Variants in TFEC observed in about 807,000 individuals in gnomAD.
TFEC encodes the protein transcription factor EC.
TFEC carries 31 observed loss-of-function variants against 41.6 expected under a neutral mutation model. That is an observed-to-expected ratio of 0.74 (90% CI 0.56 to 1.01). The LOEUF (loss-of-function observed/expected upper bound fraction) is 1.01. Ranked by LOEUF, TFEC falls within the 50% of genes least tolerant of loss-of-function variation. The pLI is 0.00. For missense variants in TFEC, 402 were observed against 404.1 expected (o/e 0.99, Z 0.04); for synonymous variants, 143 against 140.6 (o/e 1.02, Z -0.12).
intron 3 of TFEC, among the ~76,000 whole-genome samples, chr7:116,059,181 C>CT (rs1345813722): frequency 6.6e-6 from 1 of 151,796 alleles, no homozygotes; most frequent in Admixed American, 6.6e-5. Context: ...GAGGTGACAT[C>CT]ACTAAAGATG....
chr7:115,994,970 G>A (rs1331671961), intron 1 of TFEC, among the ~76,000 whole-genome samples: 1 of 152,092 alleles, frequency 6.6e-6, no homozygotes, highest in Non-Finnish European at 1.5e-5. Context: ...ATGATAGACT[G>A]GATTAAGAAA....
At chr7:116,046,178 A>G (rs902138693) in intron 3 of TFEC, among the ~76,000 whole-genome samples, 3 of 152,134 alleles carry the variant, frequency 2.0e-5, no homozygotes, top group Admixed American at 6.5e-5. Context: ...AGTTTGGGGG[A>G]CTGCTGGGAA....
chr7:116,089,525 G>A (rs1468337458), intron 3 of TFEC, among the ~76,000 whole-genome samples: 1 of 152,114 alleles, frequency 6.6e-6, no homozygotes, highest in Admixed American at 6.6e-5. Context: ...CACTGCCATT[G>A]GCATAGATGG....
At chr7:115,979,549 G>A (rs1793532402) in intron 2 of TFEC, among the ~76,000 whole-genome samples, 1 of 152,124 alleles carries the variant, frequency 6.6e-6, no homozygotes, top group Non-Finnish European at 1.5e-5. Context: ...CTGTCTGAAT[G>A]AAGAAATAAA....
intron 3 of TFEC, among the ~76,000 whole-genome samples, chr7:116,060,176 C>A (rs1411316721): frequency 1.4e-5 from 2 of 141,606 alleles, no homozygotes; most frequent in East Asian, 2.1e-4. Flanking sequence ...TAGCAATGAG[C>A]AATTGTAATT....
intron 1 of TFEC, among the ~76,000 whole-genome samples, chr7:115,996,997 G>A (rs930046502): frequency 6.6e-6 from 1 of 152,178 alleles, no homozygotes; most frequent in Non-Finnish European, 1.5e-5. Context: ...CTAGCATGGG[G>A]AGGGGGATCT....
intron 1 of TFEC, among the ~76,000 whole-genome samples, chr7:116,145,295 A>G (rs943997053): frequency 3.3e-5 from 5 of 152,214 alleles, no homozygotes; most frequent in African/African-American, 1.2e-4. Flanking sequence ...ATTGATATCT[A>G]CAAATCTCAC....
intron 1 of TFEC, among the ~76,000 whole-genome samples, chr7:116,112,972 AGATT>A (rs368618715): frequency 7.8e-4 from 119 of 152,128 alleles, no homozygotes; most frequent in African/African-American, 2.5e-3. Flanking sequence ...ATTCTAAAGC[AGATT>A]GATTATTAAA....
chr7:116,001,913 T>G (rs1794613539), intron 1 of TFEC, among the ~76,000 whole-genome samples: 1 of 152,044 alleles, frequency 6.6e-6, no homozygotes. Flanking sequence ...CAAAAAGGTA[T>G]ATAAAAAGGT....
chr7:115,994,137 A>C (rs1794251316), intron 1 of TFEC, among the ~76,000 whole-genome samples: 1 of 152,228 alleles, frequency 6.6e-6, no homozygotes, highest in Non-Finnish European at 1.5e-5. Context: ...TGGTGCTGGG[A>C]AACCTGGCTA....
intron 3 of TFEC, among the ~76,000 whole-genome samples, chr7:116,089,840 T>G (rs1428953595): frequency 1.3e-5 from 2 of 152,152 alleles, no homozygotes; most frequent in African/African-American, 4.8e-5. Context: ...ATGGAAATTC[T>G]GGTTTTGAAA....
At chr7:116,157,545 T>C (rs1254311793) in intron 1 of TFEC, among the ~76,000 whole-genome samples, 3 of 151,980 alleles carry the variant, frequency 2.0e-5, no homozygotes, top group Non-Finnish European at 4.4e-5. Context: ...GTAAGTTTAG[T>C]AGGGAATGAG....
intron 3 of TFEC, among the ~76,000 whole-genome samples, chr7:116,045,366 T>G (rs1796138898): frequency 6.6e-6 from 1 of 152,240 alleles, no homozygotes; most frequent in Admixed American, 6.5e-5. Flanking sequence ...ATTTAAAGTA[T>G]CTGGCAAAAG....
At chr7:116,036,472 G>C (rs1296593282) in intron 3 of TFEC, among the ~76,000 whole-genome samples, 2 of 151,998 alleles carry the variant, frequency 1.3e-5, no homozygotes, top group East Asian at 3.9e-4. Context: ...AATGATATAG[G>C]GGATATGACA....
chr7:116,068,877 C>CA (rs1796757637), intron 3 of TFEC, among the ~76,000 whole-genome samples: 1 of 151,098 alleles, frequency 6.6e-6, no homozygotes, highest in African/African-American at 2.4e-5. Context: ...ATGACATTTT[C>CA]AAAAATAAAA....
chr7:116,086,360 A>C (rs1254563580), intron 3 of TFEC, among the ~76,000 whole-genome samples: 8 of 151,844 alleles, frequency 5.3e-5, no homozygotes, highest in Admixed American at 5.3e-4. Flanking sequence ...AGGACCAAAG[A>C]ATGTGAGAAA....
At chr7:115,948,129 T>C (rs1584560872) in intron 6 of TFEC, among the ~76,000 whole-genome samples, 2 of 151,554 alleles carry the variant, frequency 1.3e-5, no homozygotes, top group Non-Finnish European at 2.9e-5. Context: ...ACATATACAC[T>C]CTCCCAAGAC....
chr7:116,084,623 A>G (rs1380783044), intron 3 of TFEC, among the ~76,000 whole-genome samples: 1 of 151,152 alleles, frequency 6.6e-6, no homozygotes, highest in Non-Finnish European at 1.5e-5. Context: ...GTTTCTGAAA[A>G]GTTTCTAATA....
chr7:115,936,388 T>C lies in TFEC; in HGVS notation c.*4163A>G, dbSNP rs1793229084. 6.6e-6 allele frequency: 1 copy of C among 151,650 alleles called. No homozygotes were observed. The highest frequency in any genetic ancestry group is 1.5e-5 in the Non-Finnish European group (1 of 67,642). 9.4% of individuals were successfully genotyped at this position (151,650 alleles called of 1,614,324 possible). On this transcript the variant is annotated 3_prime_UTR_variant, in exon 8 of 8. Transcript: ENST00000265440. The stretch of plus-strand genomic sequence containing the variant: ...GAAACAAAATTCAATCCTTCGGGTG[T>C]CTTTAAGAAACCCAGATGGTTGATC...
Sources: allele counts gnomAD v4.1 joint callset (sites outside exome capture counted in the v4.1 genomes callset), GRCh38; gene constraint gnomAD v4.1.1; transcripts MANE v1.5; gene names NCBI Gene and HGNC (gene_info 2026-07-23, HGNC 2026-07-21).